Variants in NEO1 observed in about 807,000 individuals in gnomAD.
The protein encoded by NEO1 is neogenin 1.
Under a neutral mutation model 159.7 loss-of-function variants are expected in NEO1, and 63 were observed. That is an observed-to-expected ratio of 0.39 (90% CI 0.32 to 0.49). The LOEUF is 0.49. NEO1 is among the 20% of genes least tolerant of loss of function. NEO1 has a pLI of 0.85. For missense variants in NEO1, 1,615 were observed against 1,831.0 expected (o/e 0.88, Z 2.15); for synonymous variants, 633 against 662.0 (o/e 0.96, Z 0.67).
At chr15:73,150,858 T>G (rs2033311053) in intron 5 of NEO1, among the ~76,000 whole-genome samples, 1 of 152,242 alleles carries the variant, frequency 6.6e-6, no homozygotes, top group Non-Finnish European at 1.5e-5. Context: ...TAAATTAGTT[T>G]TGTCTGTCCT....
chr15:73,177,922 A>G (rs761933394), intron 6 of NEO1, among the ~76,000 whole-genome samples: 2 of 152,186 alleles, frequency 1.3e-5, no homozygotes, highest in Admixed American at 6.5e-5. Flanking sequence ...TTGTAGTCTA[A>G]TCTGTTAGAA....
chr15:73,261,607 A>T (rs879855253), intron 15 of NEO1, among the ~76,000 whole-genome samples: 1 of 152,192 alleles, frequency 6.6e-6, no homozygotes, highest in African/African-American at 2.4e-5. Context: ...ATAGGAGCAG[A>T]CTTATAAAAT....
At chr15:73,089,296 T>A (rs1226726663) in intron 1 of NEO1, among the ~76,000 whole-genome samples, 2 of 152,170 alleles carry the variant, frequency 1.3e-5, no homozygotes, top group African/African-American at 4.8e-5. Flanking sequence ...TAGATTAGAA[T>A]TAATTAGTTC....
chr15:73,281,081 G>GACTC (rs2041674247), intron 22 of NEO1, among the ~76,000 whole-genome samples: 1 of 150,606 alleles, frequency 6.6e-6, no homozygotes, highest in Non-Finnish European at 1.5e-5. Flanking sequence ...GGTGGCGGGC[G>GACTC]CCTGTAGTCC....
At chr15:73,076,897 TCTC>T (rs2068794429) in intron 1 of NEO1, among the ~76,000 whole-genome samples, 1 of 152,180 alleles carries the variant, frequency 6.6e-6, no homozygotes, top group Admixed American at 6.5e-5. Flanking sequence ...AGGTCCTTCT[TCTC>T]TCCAGGGATT....
At chr15:73,111,806 T>C (rs1417587010) in intron 1 of NEO1, among the ~76,000 whole-genome samples, 1 of 152,020 alleles carries the variant, frequency 6.6e-6, no homozygotes, top group African/African-American at 2.4e-5. Flanking sequence ...TTGTTTTGTT[T>C]TGTTTTTTGG....
intron 5 of NEO1, among the ~76,000 whole-genome samples, chr15:73,156,652 A>G (rs1332536826): frequency 2.0e-5 from 3 of 152,204 alleles, no homozygotes; most frequent in African/African-American, 4.8e-5. Context: ...CTTGCAGGTA[A>G]TAGCCAGCTA....
chr15:73,266,351 T>C lies in NEO1; in HGVS notation c.2434T>C (p.Phe812Leu). 1 of 1,613,794 alleles carries C rather than the reference T, an allele frequency of 6.2e-7. No homozygotes were observed. The highest frequency in any genetic ancestry group is 8.5e-7 in the Non-Finnish European group (1 of 1,179,838). ...TCACTATGTGATTACCCTGAAAGCATTTAATAACGTGGGTGAAGGCATCCC... is the reference window on the plus strand; with the variant it reads ...TCACTATGTGATTACCCTGAAAGCACTTAATAACGTGGGTGAAGGCATCCC... ...SSHYVITLKA[F>L]NNVGEGIPLY... Residue 812 changes from phenylalanine (F) to leucine (L), a missense_variant, in exon 16 of 29, where the codon TTT becomes CTT. Coordinates refer to ENST00000261908, the MANE Select transcript of NEO1 (RefSeq NM_002499.4).
chr15:73,116,637 A>T lies in NEO1; in HGVS notation c.228A>T (p.Ala76=). ...CTTCTGTTATATTAAACTGTTCAGC[A>T]TATTCTGAGCCTTCTCCAAAAATTG... ...RGSSVILNCS[A]YSEPSPKIEW... is the part of the protein sequence containing the mutation. Residue 76 remains alanine (A), a synonymous_variant, in exon 2 of 29, where the codon GCA becomes GCT. Coordinates refer to ENST00000261908, the MANE Select transcript of NEO1 (RefSeq NM_002499.4). 1 of 1,613,974 alleles carries T rather than the reference A, an allele frequency of 6.2e-7. No individual in the cohort carries two copies. Among genetic ancestry groups the T allele is most frequent in the Non-Finnish European group, 8.5e-7 (1 of 1,179,928 alleles).
intron 7 of NEO1, among the ~76,000 whole-genome samples, chr15:73,181,597 C>T (rs1012763134): frequency 3.9e-5 from 6 of 152,080 alleles, no homozygotes; most frequent in African/African-American, 1.4e-4. Context: ...AGGCATCTCA[C>T]ATGGCAGGAC....
At chr15:73,063,126 T>G (rs74546252) in intron 1 of NEO1, among the ~76,000 whole-genome samples, 8,174 of 152,222 alleles carry the variant, frequency 0.054, 331 homozygotes, top group Non-Finnish European at 0.076. Context: ...CTATGGAGGC[T>G]TATTGAGAAA....
intron 14 of NEO1, chr15:73,259,104 A>G (rs1346452682): frequency 2.5e-6 from 1 of 392,528 alleles, no homozygotes; most frequent in African/African-American, 2.0e-5. Flanking sequence ...AAAAATGTGT[A>G]TGTGCTATAA....
At chr15:73,217,205 G>A (rs1459138273) in intron 7 of NEO1, among the ~76,000 whole-genome samples, 2 of 149,132 alleles carry the variant, frequency 1.3e-5, no homozygotes, top group Admixed American at 6.8e-5. Flanking sequence ...CCCATTGCTT[G>A]TTTTTCTCAG....
chr15:73,283,607 A>ATCC (rs2151098091), intron 23 of NEO1, among the ~76,000 whole-genome samples: 1 of 152,336 alleles, frequency 6.6e-6, no homozygotes, highest in East Asian at 1.9e-4. Flanking sequence ...CCCAGCTGGA[A>ATCC]GCCAGGAAAC....
chr15:73,138,376 G>A (rs1410093800), intron 5 of NEO1, among the ~76,000 whole-genome samples: 1 of 152,222 alleles, frequency 6.6e-6, no homozygotes, highest in Non-Finnish European at 1.5e-5. Flanking sequence ...CTGAAGGTTT[G>A]CTGCACAAAG....
chr15:73,185,624 C>G (rs993370888), intron 7 of NEO1, among the ~76,000 whole-genome samples: 7 of 152,202 alleles, frequency 4.6e-5, no homozygotes, highest in Middle Eastern at 3.4e-3. Flanking sequence ...AGTTGTGCTC[C>G]TTGATGTTTA....
intron 8 of NEO1, among the ~76,000 whole-genome samples, chr15:73,240,338 G>C (rs1184433910): frequency 6.6e-6 from 1 of 152,210 alleles, no homozygotes; most frequent in Non-Finnish European, 1.5e-5. Flanking sequence ...AAGAGATACA[G>C]AAGTTGAGTT....
intron 1 of NEO1, among the ~76,000 whole-genome samples, chr15:73,072,873 G>A (rs1422316690): frequency 4.6e-5 from 7 of 152,146 alleles, no homozygotes; most frequent in Admixed American, 1.3e-4. Context: ...GTGATGGATT[G>A]GATATGGTGG....
intron 1 of NEO1, among the ~76,000 whole-genome samples, chr15:73,108,096 A>G (rs2070781264): frequency 6.6e-6 from 1 of 152,190 alleles, no homozygotes; most frequent in African/African-American, 2.4e-5. Context: ...ATTCTTATAT[A>G]TTTCTCATCT....
Sources: allele counts gnomAD v4.1 joint callset (sites outside exome capture counted in the v4.1 genomes callset), GRCh38; gene constraint gnomAD v4.1.1; transcripts MANE v1.5; gene names NCBI Gene and HGNC (gene_info 2026-07-23, HGNC 2026-07-21).